The following SLCO4A1 variants were observed in gnomAD, a reference collection of about 807,000 sequenced individuals.
SLCO4A1 encodes colon organic anion transporter.
Under a neutral mutation model 64.6 loss-of-function variants are expected in SLCO4A1, and 51 were observed. That is an observed-to-expected ratio of 0.79 (90% CI 0.63 to 1.00). The LOEUF (loss-of-function observed/expected upper bound fraction) is 1.00, where lower values mean the gene tolerates loss of function less well. SLCO4A1 is among the 50% of genes least tolerant of loss of function. SLCO4A1 has a pLI of 0.00. For missense variants in SLCO4A1, 919 were observed against 980.5 expected (o/e 0.94, Z 0.84); for synonymous variants, 471 against 444.9 (o/e 1.06, Z -0.74).
chr20:62,646,855 G>T (rs972415766), intron 1 of SLCO4A1, among the ~76,000 whole-genome samples: 1 of 152,260 alleles, frequency 6.6e-6, no homozygotes. Flanking sequence ...TGGATGGGAT[G>T]ATGAGTCGGA....
At chr20:62,667,723 C>T (rs1429948894) in intron 7 of SLCO4A1, 22 bp from the exon 8 acceptor site, 1 of 1,597,504 alleles carries the variant, frequency 6.3e-7, no homozygotes, top group Admixed American at 1.7e-5. Context: ...GACCCTACCA[C>T]TCGCTTGTCC....
chr20:62,683,803 C>G (rs1987942596), intron 2 of SLCO4A1, among the ~76,000 whole-genome samples: 1 of 152,222 alleles, frequency 6.6e-6, no homozygotes, highest in African/African-American at 2.4e-5. Context: ...TCAAAACTCT[C>G]TCCATCAGTA....
chr20:62,668,363 T>TGG lies in SLCO4A1; in HGVS notation c.1812-106_1812-105dup, dbSNP rs540969508. 1.7e-3 allele frequency: 2,131 copies of TGG among 1,226,918 alleles called. 14 individuals carry two copies. The African/African-American group carries it at 0.024, about 14-fold the overall frequency. 76.0% of individuals were successfully genotyped at this position (1,226,918 alleles called of 1,614,324 possible). On this transcript the variant is annotated intron_variant, in intron 9 of 11. Transcript: ENST00000217159. The stretch of plus-strand genomic sequence containing the variant: ...GATCTCTGACGAGGGGCTTCCCACT[T>TGG]GGGGGGGGGTGATGATGTGGCTGGG...
chr20:62,648,456 T>C (rs1257768668), intron 1 of SLCO4A1, among the ~76,000 whole-genome samples: 1 of 152,176 alleles, frequency 6.6e-6, no homozygotes, highest in Non-Finnish European at 1.5e-5. Flanking sequence ...GCTCCGGGCC[T>C]GGGCACATGG....
chr20:62,659,562 G>A (rs144226754), intron 3 of SLCO4A1, among the ~76,000 whole-genome samples: 27 of 152,272 alleles, frequency 1.8e-4, no homozygotes, highest in African/African-American at 6.0e-4. Context: ...CTCGTGTCCC[G>A]GGTCTGGATG....
At chr20:62,660,611 C>T in intron 4 of SLCO4A1, 78 bp downstream of exon 4, 1 of 1,497,190 alleles carries the variant, frequency 6.7e-7, no homozygotes, top group Non-Finnish European at 9.2e-7. Flanking sequence ...ACCCCGTTTC[C>T]TCTGCTGTCT....
chr20:62,672,125 G>A lies in SLCO4A1; in HGVS notation c.*232G>A, dbSNP rs117622113. On this transcript the variant is annotated 3_prime_UTR_variant, in exon 12 of 12. Coordinates refer to ENST00000217159, the MANE Select transcript of SLCO4A1 (RefSeq NM_016354.4). ...ATGGACACACAGTTTGCATCAGAAC[G>A]TGTTTATAGAATGTGTTTTATACCC... 5.1e-5 allele frequency: 73 copies of A among 1,418,850 alleles called. 1 individual carries two copies. Among genetic ancestry groups the A allele is most frequent in the East Asian group, 4.5e-4 (17 of 37,830 alleles). 87.9% of individuals were successfully genotyped at this position (1,418,850 alleles called of 1,614,324 possible). A position where few individuals can be genotyped will look rare whatever the true frequency, so the allele number is the denominator to read the frequency against.
At chr20:62,684,108 CCACACA>C (rs1295983409) in intron 2 of SLCO4A1, among the ~76,000 whole-genome samples, 2 of 151,722 alleles carry the variant, frequency 1.3e-5, no homozygotes, top group African/African-American at 2.4e-5. Context: ...CACGCGCTTC[CCACACA>C]CGCTCACGCA....
intron 2 of SLCO4A1, among the ~76,000 whole-genome samples, chr20:62,658,013 G>A (rs1474868162): frequency 1.3e-5 from 2 of 152,154 alleles, no homozygotes; most frequent in African/African-American, 4.8e-5. Flanking sequence ...CCCATGGCCC[G>A]TCCGACATGG....
downstream of SLCO4A1, among the ~76,000 whole-genome samples, chr20:62,690,247 G>A (rs1486425886): frequency 1.3e-5 from 2 of 152,174 alleles, no homozygotes; most frequent in Non-Finnish European, 2.9e-5. Context: ...GGGCCCACAG[G>A]GAGACAGACA....
rs571205330 is a variant in SLCO4A1, at chr20:62,660,477, G to T, written c.953G>T (p.Gly318Val). 12 of 1,603,906 alleles carry T rather than the reference G, an allele frequency of 7.5e-6. No homozygotes were observed. The South Asian group carries it at 1.3e-4, about 18-fold the overall frequency. The part of the protein sequence containing the change: ...GAWWVGFLGS[G>V]AAAFFTAVPI... The stretch of plus-strand genomic sequence containing the variant: ...TGGTGGGTCGGCTTCCTGGGCTCTG[G>T]GGCCGCTGCTTTCTTCACCGCCGTT... The change falls in exon 4 of 12, where the codon GGG becomes GTG. Residue 318 changes from glycine (G) to valine (V), a missense_variant. Gly to Val is a moderately radical substitution (Grantham distance 109). Transcript: ENST00000217159.
chr20:62,680,207 G>A (rs1451307916), intron 2 of SLCO4A1, among the ~76,000 whole-genome samples: 2 of 152,228 alleles, frequency 1.3e-5, no homozygotes, highest in Non-Finnish European at 1.5e-5. Context: ...TGACGGTTGA[G>A]TCCCGTGTGC....
chr20:62,643,361 T>C (rs1255019576), intron 1 of SLCO4A1: 1 of 184,560 alleles, frequency 5.4e-6, no homozygotes, highest in African/African-American at 2.4e-5. Flanking sequence ...TGGAAGCAGA[T>C]CTGACTTCCA....
chr20:62,646,622 G>A (rs150842806), intron 1 of SLCO4A1, among the ~76,000 whole-genome samples: 52 of 152,376 alleles, frequency 3.4e-4, no homozygotes, highest in Non-Finnish European at 6.0e-4. Context: ...GGGCTCCGGG[G>A]CCGGACAGGG....
intron 2 of SLCO4A1, 74 bp downstream of exon 2, chr20:62,657,324 C>T (rs896145519): frequency 7.4e-6 from 10 of 1,345,342 alleles, no homozygotes; most frequent in African/African-American, 7.3e-5. Context: ...GGTAACTGGC[C>T]GGAGCCAGCC....
intron 1 of SLCO4A1, among the ~76,000 whole-genome samples, chr20:62,648,455 C>A (rs1267363699): frequency 6.6e-6 from 1 of 152,196 alleles, no homozygotes; most frequent in East Asian, 1.9e-4. Flanking sequence ...GGCTCCGGGC[C>A]TGGGCACATG....
At chr20:62,680,912 T>C (rs775425218) in intron 2 of SLCO4A1, among the ~76,000 whole-genome samples, 1 of 152,186 alleles carries the variant, frequency 6.6e-6, no homozygotes, top group Non-Finnish European at 1.5e-5. Context: ...CTCATCCTCT[T>C]TGTGTTTTTC....
At chr20:62,674,808 G>C (rs891713909), downstream of SLCO4A1, among the ~76,000 whole-genome samples, 1 of 152,218 alleles carries the variant, frequency 6.6e-6, no homozygotes, top group East Asian at 1.9e-4. Context: ...CAGAGGAAGA[G>C]ACCAAGCTCC....
In SLCO4A1 at chr20:62,666,569, G is replaced by T. The variant is rs754295149; in HGVS notation, c.1466G>T (p.Gly489Val). 1.2e-6 allele frequency: 2 copies of T among 1,612,202 alleles called. No individual in the cohort carries two copies. The highest frequency in any genetic ancestry group is 1.7e-6 in the Non-Finnish European group (2 of 1,179,868). The change falls in exon 7 of 12, where the codon GGC becomes GTC. Residue 489 changes from glycine to valine, a missense_variant. Physicochemically the swap from Gly to Val is moderately radical, Grantham distance 109. Coordinates refer to ENST00000217159, the MANE Select transcript of SLCO4A1 (RefSeq NM_016354.4). ...ATGGCGGGCGTCACAGCCAGCTACG[G>T]CGGGAGGTGAGGGCCAGATGGCACC... ...VPMAGVTASY[G>V]GSLLPEGHLN...
Sources: gnomAD v4.1 joint callset for allele counts (sites outside exome capture counted in the v4.1 genomes callset) on GRCh38, gnomAD v4.1.1 for gene constraint, MANE v1.5 for transcripts, NCBI Gene and HGNC (gene_info 2026-07-23, HGNC 2026-07-21) for gene names.